The following ZDHHC14 variants were observed in gnomAD, a reference collection of about 807,000 sequenced individuals.
ZDHHC14 encodes the protein palmitoyltransferase ZDHHC14.
In ZDHHC14, 16 loss-of-function variants were observed where a neutral mutation model predicts 47.7. That is an observed-to-expected ratio of 0.34 (90% confidence interval 0.23 to 0.51). The LOEUF (loss-of-function observed/expected upper bound fraction) is 0.51, where lower values mean the gene tolerates loss of function less well. ZDHHC14 is among the 20% of genes least tolerant of loss of function. ZDHHC14 has a pLI of 0.97. For synonymous variants in ZDHHC14, 293 were observed against 278.9 expected (o/e 1.05, Z -0.50); for missense variants, 515 against 662.5 (o/e 0.78, Z 2.44).
At chr6:157,512,488 C>T (rs1780528969) in intron 1 of ZDHHC14, among the ~76,000 whole-genome samples, 2 of 152,324 alleles carry the variant, frequency 1.3e-5, no homozygotes, top group Non-Finnish European at 2.9e-5. Context: ...ACAGTTCATG[C>T]GTGAGCCACA....
At chr6:157,671,932 A>G (rs1290467297) in intron 8 of ZDHHC14, among the ~76,000 whole-genome samples, 2 of 152,172 alleles carry the variant, frequency 1.3e-5, no homozygotes, top group Non-Finnish European at 2.9e-5. Flanking sequence ...TTCTGCAACC[A>G]CCACTACCAC....
intron 2 of ZDHHC14, among the ~76,000 whole-genome samples, chr6:157,572,827 G>A (rs1252118069): frequency 1.3e-5 from 2 of 151,898 alleles, no homozygotes; most frequent in Admixed American, 6.5e-5. Context: ...CTCATTCTTC[G>A]AGGCCACCTG....
Position 157,471,016 on chromosome 6 carries a change from G to T in ZDHHC14, c.246-71569G>T, listed in dbSNP as rs537788397. 2.4e-4 allele frequency among the ~76,000 whole-genome samples: 36 copies of T among 152,302 alleles called. 1 individual carries two copies. The South Asian group carries it at 6.6e-3, about 28-fold the overall frequency. On this transcript the variant is annotated intron_variant, in intron 1 of 8. Transcript: ENST00000359775. ...AGTCGTCTTCGGTAGTTAGTGGTGG[G>T]TTACCAGGTCAGTCTCTCCCAGGGA...
rs115711143 is a variant in ZDHHC14 at position 157,658,061 on chromosome 6, G to A, written c.1068+4434G>A. 3.2e-3 allele frequency among the ~76,000 whole-genome samples: 484 copies of A among 152,302 alleles called. 2 individuals carry two copies. Among genetic ancestry groups the A allele is most frequent in the African/African-American group, 0.01 (436 of 41,556 alleles). On this transcript the variant is annotated intron_variant, in intron 8 of 8. Transcript: ENST00000359775. ...TAAAACCTTGCCTAGTAGAAGAAAAGTACTATTTAAGTGTCGGCTATTATT... is the reference window on the plus strand; with the variant it reads ...TAAAACCTTGCCTAGTAGAAGAAAAATACTATTTAAGTGTCGGCTATTATT...
At chr6:157,568,544 A>G (rs922383559) in intron 2 of ZDHHC14, among the ~76,000 whole-genome samples, 12 of 152,038 alleles carry the variant, frequency 7.9e-5, no homozygotes, top group Admixed American at 1.3e-4. Context: ...TGTTTAATAA[A>G]TCCCGTCTTG....
At chr6:157,525,797 G>A (rs896641721) in intron 1 of ZDHHC14, among the ~76,000 whole-genome samples, 1 of 152,166 alleles carries the variant, frequency 6.6e-6, no homozygotes. Context: ...CACTGCTGCT[G>A]GATGCCTGCG....
intron 1 of ZDHHC14, among the ~76,000 whole-genome samples, chr6:157,522,961 CTTTCTTTTCTTTTCTTTTCTT>C (rs1554263280): frequency 4.3e-5 from 2 of 46,364 alleles, no homozygotes; most frequent in East Asian, 7.2e-4. Context: ...TTCCTTCCTT[CTTTCTTTTCTTTTCTTTTCTT>C]TTTCTTTTCT....
intron 1 of ZDHHC14, among the ~76,000 whole-genome samples, chr6:157,458,486 T>C (rs968901608): frequency 3.3e-5 from 5 of 152,214 alleles, no homozygotes; most frequent in African/African-American, 9.6e-5. Context: ...TAATTTTGCT[T>C]TTTTCCCTCT....
intron 1 of ZDHHC14, among the ~76,000 whole-genome samples, chr6:157,535,341 A>G (rs956673221): frequency 3.3e-5 from 5 of 152,190 alleles, no homozygotes. Context: ...TTCCTAAGTG[A>G]CATTCCTCGA....
chr6:157,446,241 A>G (rs1778664677), intron 1 of ZDHHC14, among the ~76,000 whole-genome samples: 1 of 152,058 alleles, frequency 6.6e-6, no homozygotes, highest in South Asian at 2.1e-4. Context: ...CCATTGCTCC[A>G]TCGAGGCACA....
At chr6:157,417,810 C>T (rs1234583049) in intron 1 of ZDHHC14, among the ~76,000 whole-genome samples, 1 of 152,036 alleles carries the variant, frequency 6.6e-6, no homozygotes, top group Non-Finnish European at 1.5e-5. Context: ...AAAAATTAGC[C>T]GGGCGTGGTT....
At chr6:157,615,726 T>C (rs1784939511) in intron 3 of ZDHHC14, among the ~76,000 whole-genome samples, 1 of 152,196 alleles carries the variant, frequency 6.6e-6, no homozygotes, top group Admixed American at 6.5e-5. Flanking sequence ...CCTAGGAACT[T>C]CACTCAGAGC....
intron 8 of ZDHHC14, among the ~76,000 whole-genome samples, chr6:157,666,833 TA>T (rs1256279110): frequency 1.3e-5 from 2 of 152,244 alleles, no homozygotes; most frequent in African/African-American, 2.4e-5. Context: ...TTTTAAATTG[TA>T]ACATTAAGTG....
intron 1 of ZDHHC14, among the ~76,000 whole-genome samples, chr6:157,527,908 C>G (rs746654589): frequency 6.6e-6 from 1 of 152,184 alleles, no homozygotes; most frequent in Non-Finnish European, 1.5e-5. Context: ...TGATCCTTCT[C>G]TCTCTCCATT....
chr6:157,503,932 G>C (rs1274838165), intron 1 of ZDHHC14, among the ~76,000 whole-genome samples: 2 of 152,168 alleles, frequency 1.3e-5, no homozygotes, highest in Non-Finnish European at 2.9e-5. Context: ...TTATAAAGCA[G>C]AATGCACATC....
At chr6:157,428,608 T>C (rs917747212) in intron 1 of ZDHHC14, among the ~76,000 whole-genome samples, 9 of 152,050 alleles carry the variant, frequency 5.9e-5, no homozygotes, top group Admixed American at 2.0e-4. Context: ...GCATTCCTGC[T>C]TAGCGAGTCC....
chr6:157,542,495 C>A (rs2114804813), intron 1 of ZDHHC14, 90 bp from the exon 2 acceptor site: 6 of 1,460,926 alleles, frequency 4.1e-6, no homozygotes, highest in Non-Finnish European at 3.7e-6. Context: ...CTTTTGATTT[C>A]TTAGAAGATA....
intron 1 of ZDHHC14, among the ~76,000 whole-genome samples, chr6:157,498,806 G>T (rs529425403): frequency 6.6e-6 from 1 of 152,288 alleles, no homozygotes; most frequent in African/African-American, 2.4e-5. Flanking sequence ...AGAGAATAGT[G>T]CAAAAACATC....
chr6:157,629,184 A>G (rs17448490), intron 4 of ZDHHC14, among the ~76,000 whole-genome samples: 83,676 of 152,126 alleles, frequency 0.55, 24,867 homozygotes, highest in East Asian at 0.87. Flanking sequence ...TCTGAGGGTT[A>G]TAACTTTGAA....
Sources: allele counts gnomAD v4.1 joint callset (sites outside exome capture counted in the v4.1 genomes callset), GRCh38; gene constraint gnomAD v4.1.1; transcripts MANE v1.5; gene names NCBI Gene and HGNC (gene_info 2026-07-23, HGNC 2026-07-21).